JAK2: variants seen among roughly 807,000 people sequenced by gnomAD.
The protein encoded by JAK2 is Janus kinase 2, also known as tyrosine-protein kinase JAK2.
In JAK2, 86 loss-of-function variants were observed where a neutral mutation model predicts 139.3. That is an observed-to-expected ratio of 0.62 (90% confidence interval 0.52 to 0.74). JAK2 has a LOEUF of 0.74. Ranked by LOEUF, JAK2 falls within the 30% of genes least tolerant of loss-of-function variation. The pLI is 0.00. For missense variants in JAK2, 1,421 were observed against 1,360.3 expected (o/e 1.04, Z -0.70); for synonymous variants, 490 against 437.7 (o/e 1.12, Z -1.49).
chr9:5,052,466 CATG>C (rs1232358479), intron 6 of JAK2, among the ~76,000 whole-genome samples: 3 of 151,386 alleles, frequency 2.0e-5, no homozygotes, highest in Non-Finnish European at 4.4e-5. Flanking sequence ...TATAAGATTC[CATG>C]ATATTTTAAA....
At chr9:5,109,283 C>G (rs1244779251) in intron 22 of JAK2, 1 of 152,116 alleles carries the variant, frequency 6.6e-6, no homozygotes, top group East Asian at 1.9e-4. Context: ...TTATTATGGG[C>G]TTTACATGCT....
intron 22 of JAK2, among the ~76,000 whole-genome samples, chr9:5,103,564 T>C (rs987368724): frequency 1.3e-5 from 2 of 152,094 alleles, no homozygotes; most frequent in Admixed American, 6.6e-5. Context: ...CTCTGCACCA[T>C]GTGAACCTAA....
intron 22 of JAK2, chr9:5,112,717 C>A: frequency 1.2e-6 from 1 of 808,362 alleles, no homozygotes; most frequent in Non-Finnish European, 1.8e-6. Context: ...GAGAGCGGAA[C>A]CTGAATCCCA....
chr9:5,092,885 A>C (rs1820694939), intron 22 of JAK2, among the ~76,000 whole-genome samples: 1 of 152,166 alleles, frequency 6.6e-6, no homozygotes, highest in South Asian at 2.1e-4. Flanking sequence ...TTTAACTGTT[A>C]ATCTAAAGAG....
intron 2 of JAK2, among the ~76,000 whole-genome samples, chr9:5,010,354 C>T (rs979113072): frequency 2.0e-5 from 3 of 148,368 alleles, no homozygotes; most frequent in Non-Finnish European, 4.5e-5. Context: ...GACGGAGTCT[C>T]GCTCTGTCGC....
At chr9:5,061,278 A>G (rs997386495) in intron 8 of JAK2, among the ~76,000 whole-genome samples, 6 of 152,328 alleles carry the variant, frequency 3.9e-5, no homozygotes, top group African/African-American at 1.2e-4. Context: ...TTGAAGTTTG[A>G]AGGCAAGCAC....
intron 19 of JAK2, among the ~76,000 whole-genome samples, chr9:5,086,741 GC>G (rs1415934851): frequency 6.6e-6 from 1 of 152,034 alleles, no homozygotes; most frequent in Non-Finnish European, 1.5e-5. Context: ...ATAGCCTTTG[GC>G]TTTTTTCAAC....
chr9:5,023,143 A>C (rs1301511687), intron 3 of JAK2, among the ~76,000 whole-genome samples: 2 of 152,176 alleles, frequency 1.3e-5, no homozygotes, highest in African/African-American at 4.8e-5. Flanking sequence ...ATTAACCAAC[A>C]TCTCTTCATT....
In JAK2 at chr9:5,050,659, A is replaced by G. The variant is rs369962359; in HGVS notation, c.469-27A>G. On this transcript the variant is annotated intron_variant, in intron 5 of 24. Transcript: ENST00000381652. ...ACATGATAATGAAACTTACGATGAG[A>G]TATTTCCTTCAAATTTTTGGTTTTA... 1.2e-5 allele frequency: 19 copies of G among 1,598,344 alleles called. No individual in the cohort carries two copies. The East Asian group carries it at 2.5e-4, about 21-fold the overall frequency.
At chr9:5,111,101 A>G in intron 22 of JAK2, 1 of 1,224,420 alleles carries the variant, frequency 8.2e-7, no homozygotes, top group Non-Finnish European at 1.1e-6. Flanking sequence ...AGCGGCGACC[A>G]GAACAGCTCC....
At chr9:5,099,408 C>G (rs1481041369) in intron 22 of JAK2, 2 of 152,144 alleles carry the variant, frequency 1.3e-5, no homozygotes, top group Non-Finnish European at 2.9e-5. Context: ...CAGTGAATGC[C>G]TCAACTAGAT....
At chr9:5,120,407 T>C (rs976404353) in intron 22 of JAK2, among the ~76,000 whole-genome samples, 1 of 152,232 alleles carries the variant, frequency 6.6e-6, no homozygotes, top group African/African-American at 2.4e-5. Context: ...ATTCACAGGA[T>C]TTTGCCCATG....
intron 2 of JAK2, among the ~76,000 whole-genome samples, chr9:4,996,925 GTTC>G (rs1820600623): frequency 8.3e-6 from 1 of 119,804 alleles, no homozygotes; most frequent in Non-Finnish European, 1.8e-5. Flanking sequence ...CTGTTAGTTT[GTTC>G]TTTTTTTTTT....
intron 4 of JAK2, among the ~76,000 whole-genome samples, chr9:5,036,572 T>A (rs1823618495): frequency 6.6e-6 from 1 of 152,160 alleles, no homozygotes; most frequent in South Asian, 2.1e-4. Flanking sequence ...TCTACAACCA[T>A]CTGATCTTTG....
intron 3 of JAK2, among the ~76,000 whole-genome samples, chr9:5,022,940 T>G (rs1297357877): frequency 1.3e-5 from 2 of 152,248 alleles, no homozygotes; most frequent in African/African-American, 4.8e-5. Flanking sequence ...AATGTATGAT[T>G]ACATCAATTT....
intron 19 of JAK2, among the ~76,000 whole-genome samples, chr9:5,087,230 A>AACTT (rs1460427929): frequency 6.6e-6 from 1 of 152,184 alleles, no homozygotes; most frequent in African/African-American, 2.4e-5. Flanking sequence ...GGCCTCAGGA[A>AACTT]ACTTACAGTC....
At chr9:5,116,072 AAAC>A (rs1823144824) in intron 22 of JAK2, among the ~76,000 whole-genome samples, 1 of 152,212 alleles carries the variant, frequency 6.6e-6, no homozygotes, top group South Asian at 2.1e-4. Context: ...TTTAAAAAAA[AAAC>A]AGTGAACATT....
intron 3 of JAK2, among the ~76,000 whole-genome samples, chr9:5,027,286 T>A (rs1822841041): frequency 6.6e-6 from 1 of 152,230 alleles, no homozygotes; most frequent in Non-Finnish European, 1.5e-5. Flanking sequence ...ACATGAAGTT[T>A]TAGGTTTCCC....
At chr9:5,000,431 GA>G (rs1231065309) in intron 2 of JAK2, among the ~76,000 whole-genome samples, 1 of 152,128 alleles carries the variant, frequency 6.6e-6, no homozygotes, top group Non-Finnish European at 1.5e-5. Context: ...ACAAACACTT[GA>G]AAATGTTTAT....
Sources: allele counts gnomAD v4.1 joint callset (sites outside exome capture counted in the v4.1 genomes callset), GRCh38; gene constraint gnomAD v4.1.1; transcripts MANE v1.5; gene names NCBI Gene and HGNC (gene_info 2026-07-23, HGNC 2026-07-21).